The following DNAH7 variants were observed in gnomAD, a reference collection of about 807,000 sequenced individuals.
DNAH7 encodes dynein axonemal heavy chain 7.
A neutral mutation model predicts 444.6 loss-of-function variants in DNAH7; 397 were observed. The observed-to-expected ratio is 0.89, with a 90% CI of 0.82 to 0.97. The LOEUF is 0.97. Among genes scored for constraint, DNAH7 ranks in the 50% least tolerant of loss-of-function variants. The probability of loss-of-function intolerance (pLI) is 0.00; values close to 1 mark genes in which losing one functional copy is unlikely to be tolerated. For missense variants in DNAH7, 4,902 were observed against 4,800.8 expected (o/e 1.02, Z -0.62); for synonymous variants, 1,636 against 1,624.4 (o/e 1.01, Z -0.17).
chr2:195,889,319 T>C (rs1204755542), intron 31 of DNAH7, among the ~76,000 whole-genome samples: 1 of 151,780 alleles, frequency 6.6e-6, no homozygotes, highest in Non-Finnish European at 1.5e-5. Context: ...TTCTTTTTCT[T>C]TCTTTTCTTT....
At chr2:195,810,318 G>A (rs1006798653) in intron 51 of DNAH7, among the ~76,000 whole-genome samples, 1 of 152,080 alleles carries the variant, frequency 6.6e-6, no homozygotes, top group African/African-American at 2.4e-5. Flanking sequence ...ATTCATAAAA[G>A]CTGAAGAAAT....
chr2:195,738,962 TAAGGGGGATCCAC>T (rs1263098156), intron 64 of DNAH7, among the ~76,000 whole-genome samples: 1 of 152,142 alleles, frequency 6.6e-6, no homozygotes, highest in Non-Finnish European at 1.5e-5. Context: ...CAGATTTTCA[TAAGGGGGATCCAC>T]AAGGCAGTTT....
At chr2:196,044,398 A>G (rs10931717) in intron 5 of DNAH7, among the ~76,000 whole-genome samples, 81,491 of 151,082 alleles carry the variant, frequency 0.54, 24,054 homozygotes, top group East Asian at 0.9. Context: ...CTATGAGGAC[A>G]CAAAGGCATA....
intron 24 of DNAH7, among the ~76,000 whole-genome samples, chr2:195,917,182 A>G (rs938338828): frequency 6.6e-6 from 1 of 152,136 alleles, no homozygotes; most frequent in Non-Finnish European, 1.5e-5. Flanking sequence ...CAAAAAAAAA[A>G]AGAAATATCT....
chr2:196,002,056 G>C (rs1036057129), intron 10 of DNAH7, among the ~76,000 whole-genome samples, 198 bp from the exon 11 acceptor site: 1 of 152,126 alleles, frequency 6.6e-6, no homozygotes, highest in Non-Finnish European at 1.5e-5. Flanking sequence ...TTAGCCAATA[G>C]AAAATTACTC....
intron 11 of DNAH7, among the ~76,000 whole-genome samples, chr2:196,001,270 T>TCC (rs1040144953): frequency 2.6e-5 from 4 of 152,222 alleles, no homozygotes; most frequent in African/African-American, 9.6e-5. Flanking sequence ...GGTAACTTTC[T>TCC]CCAGCCTTCA....
intron 38 of DNAH7, among the ~76,000 whole-genome samples, chr2:195,874,608 A>T (rs1289089565): frequency 1.3e-5 from 2 of 151,778 alleles, no homozygotes; most frequent in African/African-American, 2.4e-5. Flanking sequence ...TTTAAAAAAA[A>T]AAAAAACAGC....
intron 57 of DNAH7, among the ~76,000 whole-genome samples, chr2:195,788,034 G>A (rs1189770439): frequency 6.6e-6 from 1 of 152,220 alleles, no homozygotes; most frequent in Non-Finnish European, 1.5e-5. Context: ...ATCTTGAGTA[G>A]AGACACTGCC....
At position 195,857,684 on chromosome 2, in the gene DNAH7, C is replaced by A; in HGVS notation, c.8107G>T (p.Gly2703Cys). Reference protein sequence around the residue: ...VVKSMKSPPAGVKLVMEAICI... With the variant: ...VVKSMKSPPACVKLVMEAICI... Reference sequence around the variant, plus strand: ...ATAGCTTCCATAACAAGCTTGACACCAGCAGGAGGACTCTTCATGGATTTT... The same window carrying A: ...ATAGCTTCCATAACAAGCTTGACACAAGCAGGAGGACTCTTCATGGATTTT... Residue 2703 changes from glycine to cysteine, a missense_variant, in exon 44 of 65, where the codon GGT becomes TGT. Transcript: ENST00000312428. The A allele has an allele frequency of 3.7e-6, 6 of 1,612,282 alleles. No individual in the cohort carries two copies. Among genetic ancestry groups the A allele is most frequent in the Non-Finnish European group, 5.1e-6 (6 of 1,179,344 alleles).
chr2:195,994,611 G>T (rs1289741656), intron 12 of DNAH7: 2 of 492,602 alleles, frequency 4.1e-6, no homozygotes, highest in African/African-American at 4.0e-5. Flanking sequence ...AACCTCAATT[G>T]GTCCTTGGGT....
Position 195,900,455 on chromosome 2 carries a change from C to A in DNAH7, c.4375G>T (p.Ala1459Ser). The part of the protein sequence containing the change: ...RTVAMMVPDY[A>S]MIAEIVLYSC... ...TATAGGACTATTTCAGCAATCATGGCATAGTCAGGTACCATCATTGCTACT... is the reference window on the plus strand; with the variant it reads ...TATAGGACTATTTCAGCAATCATGGAATAGTCAGGTACCATCATTGCTACT... Residue 1459 changes from alanine (A) to serine (S), a missense_variant, in exon 28 of 65, where the codon GCC (alanine) becomes TCC (serine). Ala to Ser is a moderately conservative substitution (Grantham distance 99). Coordinates refer to ENST00000312428, the MANE Select transcript of DNAH7 (RefSeq NM_018897.3). The A allele has an allele frequency of 6.2e-7, 1 of 1,613,910 alleles. No homozygotes were observed. The highest frequency in any genetic ancestry group is 8.5e-7 in the Non-Finnish European group (1 of 1,179,850).
chr2:195,900,185 T>G lies in DNAH7; in HGVS notation c.4548+97A>C. 3.0e-6 allele frequency: 4 copies of G among 1,339,854 alleles called. No homozygotes were observed. In the South Asian group the frequency reaches 5.2e-5, roughly 17 times the overall value. 83.0% of individuals were successfully genotyped at this position (1,339,854 alleles called of 1,614,324 possible). ...TAATAATTGATTTTTTTCAATCAATTAAGGAAACCAACAAGTTATTGGAAT... is the reference window on the plus strand; with the variant it reads ...TAATAATTGATTTTTTTCAATCAATGAAGGAAACCAACAAGTTATTGGAAT... On this transcript the variant is annotated intron_variant, in intron 28 of 64. Transcript: ENST00000312428.
Position 195,969,936 on chromosome 2 carries a change from T to C in DNAH7, c.2205+12A>G, listed in dbSNP as rs1691729704. On this transcript the variant is annotated intron_variant, in intron 17 of 64. Coordinates refer to ENST00000312428, the MANE Select transcript of DNAH7 (RefSeq NM_018897.3). Reference sequence around the variant, plus strand: ...GAACTAATTCATCTTTTTAAGAATTTTTGAATTATACCTTATCTGCAGCTA... The same window carrying C: ...GAACTAATTCATCTTTTTAAGAATTCTTGAATTATACCTTATCTGCAGCTA... 1 of 1,593,490 alleles carries C rather than the reference T, an allele frequency of 6.3e-7. No homozygotes were observed. Among genetic ancestry groups the C allele is most frequent in the East Asian group, 2.3e-5 (1 of 44,354 alleles).
At chr2:195,744,347 A>G (rs1472085810) in intron 63 of DNAH7, among the ~76,000 whole-genome samples, 1 of 152,212 alleles carries the variant, frequency 6.6e-6, no homozygotes, top group African/African-American at 2.4e-5. Flanking sequence ...GCCTAGGTAA[A>G]CAAAGCAGCC....
intron 19 of DNAH7, among the ~76,000 whole-genome samples, chr2:195,951,349 T>C (rs757409189): frequency 6.6e-6 from 1 of 152,164 alleles, no homozygotes; most frequent in African/African-American, 2.4e-5. Context: ...TGAGGAGTGT[T>C]TTACTTCCAA....
intron 12 of DNAH7, chr2:195,995,543 G>T: frequency 3.4e-6 from 1 of 295,780 alleles, no homozygotes; most frequent in Non-Finnish European, 6.6e-6. Context: ...TTTGCCTGCT[G>T]CTGTAAGGGC....
chr2:195,941,579 A>T (rs1390280608), intron 19 of DNAH7, among the ~76,000 whole-genome samples: 2 of 152,014 alleles, frequency 1.3e-5, no homozygotes, highest in Non-Finnish European at 2.9e-5. Context: ...AAAATAAAAA[A>T]TAATAAAAAA....
chr2:195,742,960 T>C (rs553830002), intron 63 of DNAH7, among the ~76,000 whole-genome samples: 10 of 152,254 alleles, frequency 6.6e-5, no homozygotes, highest in South Asian at 4.1e-4. Flanking sequence ...TTTGAGTCAA[T>C]TGGATTGGGA....
chr2:195,972,172 A>G (rs971108019), intron 16 of DNAH7, 70 bp downstream of exon 16: 125 of 1,270,458 alleles, frequency 9.8e-5, no homozygotes, highest in Non-Finnish European at 1.3e-4. Flanking sequence ...AAAATAATTG[A>G]CAATGCTACA....
Sources: allele counts gnomAD v4.1 joint callset (sites outside exome capture counted in the v4.1 genomes callset), GRCh38; gene constraint gnomAD v4.1.1; transcripts MANE v1.5; gene names NCBI Gene and HGNC (gene_info 2026-07-23, HGNC 2026-07-21).